Variants in CSGALNACT1 observed in about 807,000 individuals in gnomAD.
CSGALNACT1 encodes the protein chondroitin sulfate N-acetylgalactosaminyltransferase 1.
A neutral mutation model predicts 51.0 loss-of-function variants in CSGALNACT1; 52 were observed. The observed-to-expected ratio is 1.02, with a 90% confidence interval of 0.82 to 1.29. The LOEUF is 1.29. Ranked by LOEUF, CSGALNACT1 falls within the 50% of genes most tolerant of loss-of-function variation. CSGALNACT1 has a pLI of 0.00. For missense variants in CSGALNACT1, 935 were observed against 679.2 expected, an observed-to-expected ratio of 1.38 and a Z score of -4.19; for synonymous variants, 341 against 254.4, an observed-to-expected ratio of 1.34 and a Z score of -3.24.
intron 1 of CSGALNACT1, among the ~76,000 whole-genome samples, chr8:19,718,698 G>C (rs1411571612): frequency 6.6e-6 from 1 of 152,016 alleles, no homozygotes; most frequent in Non-Finnish European, 1.5e-5. Context: ...GCAGTTGTTT[G>C]CCATTTAGCC....
intron 1 of CSGALNACT1, among the ~76,000 whole-genome samples, chr8:19,714,142 A>G (rs1006016139): frequency 5.3e-5 from 8 of 152,152 alleles, no homozygotes; most frequent in African/African-American, 1.9e-4. Flanking sequence ...ACCTTATCCA[A>G]TTATTCCCCA....
chr8:19,529,607 T>C (rs2082344607), intron 3 of CSGALNACT1, among the ~76,000 whole-genome samples: 1 of 152,128 alleles, frequency 6.6e-6, no homozygotes, highest in Admixed American at 6.5e-5. Context: ...TAGCAGTGAA[T>C]GAAAAAGTGG....
intron 3 of CSGALNACT1, among the ~76,000 whole-genome samples, chr8:19,559,764 A>G (rs530110198): frequency 8.5e-5 from 13 of 152,360 alleles, no homozygotes; most frequent in African/African-American, 2.9e-4. Context: ...CTGAGGAAGA[A>G]AACAATAAAA....
At chr8:19,640,582 A>C (rs2056624589) in intron 1 of CSGALNACT1, among the ~76,000 whole-genome samples, 2 of 152,344 alleles carry the variant, frequency 1.3e-5, no homozygotes, top group South Asian at 4.1e-4. Flanking sequence ...ACATAAGAAA[A>C]TAACAACATT....
At chr8:19,500,482 C>A (rs1003136945) in intron 4 of CSGALNACT1, among the ~76,000 whole-genome samples, 12 of 152,160 alleles carry the variant, frequency 7.9e-5, no homozygotes, top group Admixed American at 7.9e-4. Context: ...AAATGGCACA[C>A]TGACATAAGG....
At chr8:19,550,691 T>C (rs1020911796) in intron 3 of CSGALNACT1, among the ~76,000 whole-genome samples, 16 of 152,152 alleles carry the variant, frequency 1.1e-4, no homozygotes, top group African/African-American at 3.6e-4. Context: ...GGTGAGGACA[T>C]AGCCATTTTA....
intron 5 of CSGALNACT1, among the ~76,000 whole-genome samples, chr8:19,455,164 T>C (rs1202000783): frequency 6.6e-6 from 1 of 152,240 alleles, no homozygotes. Flanking sequence ...TGTTCTACAC[T>C]GCTTAAACAT....
At chr8:19,689,558 T>C (rs1020109695) in intron 1 of CSGALNACT1, among the ~76,000 whole-genome samples, 12 of 152,224 alleles carry the variant, frequency 7.9e-5, no homozygotes, top group African/African-American at 2.9e-4. Context: ...CACACGACTA[T>C]AAAAGATTCT....
intron 1 of CSGALNACT1, among the ~76,000 whole-genome samples, chr8:19,653,027 C>T (rs2057952459): frequency 1.3e-5 from 2 of 152,128 alleles, no homozygotes; most frequent in Non-Finnish European, 2.9e-5. Context: ...GAGGCATAAG[C>T]ATACACTTGT....
chr8:19,447,619 G>A (rs1293519438), intron 5 of CSGALNACT1, among the ~76,000 whole-genome samples: 3 of 152,208 alleles, frequency 2.0e-5, no homozygotes, highest in Non-Finnish European at 2.9e-5. Context: ...TATCCCAGAT[G>A]TGACAACCAA....
rs779722347 is a variant in CSGALNACT1, at chr8:19,439,822, G to T, written c.953+8C>A. ...GGATTCCTTATGACAGCTCCGTATT[G>T]TACTCACTTGGAAGTGTTTTCAAGT... On this transcript the variant is annotated splice_region_variant and intron_variant, in intron 6 of 9. Coordinates refer to ENST00000454498, the Ensembl canonical transcript of CSGALNACT1. The T allele has an allele frequency of 1.2e-6, 2 of 1,601,066 alleles. No homozygotes were observed. The highest frequency in any genetic ancestry group is 1.7e-6 in the Non-Finnish European group (2 of 1,168,234).
intron 1 of CSGALNACT1, among the ~76,000 whole-genome samples, chr8:19,612,836 C>T (rs534322255): frequency 6.6e-6 from 1 of 150,620 alleles, no homozygotes; most frequent in Admixed American, 6.6e-5. Flanking sequence ...TTTTGTGACC[C>T]TTTGGGGAGA....
intron 1 of CSGALNACT1, among the ~76,000 whole-genome samples, chr8:19,720,410 G>A (rs1293798986): frequency 6.6e-6 from 1 of 152,204 alleles, no homozygotes; most frequent in Non-Finnish European, 1.5e-5. Flanking sequence ...TAGCTGGGGT[G>A]CTCAAAAGAG....
At chr8:19,750,718 C>T (rs1257524236) in intron 1 of CSGALNACT1, among the ~76,000 whole-genome samples, 2 of 152,182 alleles carry the variant, frequency 1.3e-5, no homozygotes, top group African/African-American at 2.4e-5. Flanking sequence ...CTCTCTCCTG[C>T]ACTGTCTTCA....
intron 6 of CSGALNACT1, among the ~76,000 whole-genome samples, chr8:19,427,628 A>C (rs2058979210): frequency 6.6e-6 from 1 of 152,086 alleles, no homozygotes; most frequent in Admixed American, 6.5e-5. Context: ...CTCTACTAAA[A>C]ATCCAAAAAA....
intron 3 of CSGALNACT1, among the ~76,000 whole-genome samples, chr8:19,519,216 G>A (rs1227167450): frequency 1.3e-5 from 2 of 152,092 alleles, no homozygotes; most frequent in East Asian, 1.9e-4. Context: ...AAGTACTGCT[G>A]GAGAATCCTT....
chr8:19,428,097 G>C (rs182021411), intron 6 of CSGALNACT1, among the ~76,000 whole-genome samples: 2 of 152,120 alleles, frequency 1.3e-5, no homozygotes, highest in Non-Finnish European at 2.9e-5. Context: ...CATTGCATGT[G>C]CCATTTCTCC....
chr8:19,646,833 G>C (rs149202583), intron 1 of CSGALNACT1, among the ~76,000 whole-genome samples: 1 of 152,086 alleles, frequency 6.6e-6, no homozygotes, highest in Non-Finnish European at 1.5e-5. Flanking sequence ...CATCTATTGC[G>C]TTGACCTGCA....
intron 1 of CSGALNACT1, chr8:19,678,600 T>G (rs1422396236): frequency 2.0e-5 from 3 of 152,084 alleles, no homozygotes; most frequent in Admixed American, 6.6e-5. Context: ...TAAAGGAAAA[T>G]GTCAACAATA....
Sources: allele counts gnomAD v4.1 joint callset (sites outside exome capture counted in the v4.1 genomes callset), GRCh38; gene constraint gnomAD v4.1.1; transcripts MANE v1.5; gene names NCBI Gene and HGNC (gene_info 2026-07-23, HGNC 2026-07-21).